TCTN1: variants seen among roughly 807,000 people sequenced by gnomAD.
The protein encoded by TCTN1 is tectonic family member 1.
Under a neutral mutation model 65.8 loss-of-function variants are expected in TCTN1, and 58 were observed. That is an observed-to-expected ratio of 0.88 (90% CI 0.71 to 1.10). TCTN1 has a LOEUF of 1.10. Ranked by LOEUF, TCTN1 falls within the 50% of genes least tolerant of loss-of-function variation. TCTN1 has a pLI of 0.00. For synonymous variants in TCTN1, 273 were observed against 289.1 expected, an observed-to-expected ratio of 0.94 and a Z score of 0.57; for missense variants, 645 against 719.4, an observed-to-expected ratio of 0.90 and a Z score of 1.18.
At chr12:110,621,176 C>A (rs1207158845) in intron 2 of TCTN1, among the ~76,000 whole-genome samples, 1 of 152,154 alleles carries the variant, frequency 6.6e-6, no homozygotes, top group African/African-American at 2.4e-5. Flanking sequence ...ACTTAGTATT[C>A]AGAGATAGCT....
At chr12:110,625,816 C>G (rs543933404) in intron 2 of TCTN1, 1 of 146,676 alleles carries the variant, frequency 6.8e-6, no homozygotes, top group African/African-American at 2.5e-5. Context: ...TGCAGTGGCG[C>G]GATCTCGGGT....
chr12:110,628,616 C>A, intron 3 of TCTN1, 151 bp from the exon 4 acceptor site: 1 of 735,964 alleles, frequency 1.4e-6, no homozygotes, highest in Non-Finnish European at 2.2e-6. Flanking sequence ...GTTGAGATTA[C>A]AGGCGTGAGC....
At chr12:110,625,267 G>A (rs1194786944) in intron 2 of TCTN1, among the ~76,000 whole-genome samples, 1 of 152,058 alleles carries the variant, frequency 6.6e-6, no homozygotes, top group African/African-American at 2.4e-5. Context: ...TTCTGTTAGA[G>A]GAAAAAGTTT....
Position 110,640,414 on chromosome 12 carries a change from A to C in TCTN1, c.875A>C (p.Gln292Pro), listed in dbSNP as rs2066878169. ...ATCACTGTTCAGTCCATCGTCATTC[A>C]GTCTCTAAATAAAACGCTCACCCGA... ...VPITVQSIVI[Q>P]SLNKTLTRRE... The change falls in exon 8 of 15, where the codon CAG becomes CCG. Residue 292 changes from glutamine (Q) to proline (P), a missense_variant. Physicochemically the swap from Gln to Pro is moderately conservative, Grantham distance 76. Transcript: ENST00000397659. This position sits in a 1 kb window ranked among gnomAD's most constrained non-coding sequence, Gnocchi z 4.9. 6.2e-7 allele frequency: 1 copy of C among 1,614,114 alleles called. No homozygotes were observed. Among genetic ancestry groups the C allele is most frequent in the Non-Finnish European group, 8.5e-7 (1 of 1,180,010 alleles).
chr12:110,641,015 T>G lies in TCTN1; in HGVS notation c.979-9T>G. On this transcript the variant is annotated splice_polypyrimidine_tract_variant and intron_variant, in intron 8 of 14. Coordinates refer to ENST00000397659, the MANE Select transcript of TCTN1 (RefSeq NM_001082538.3). ...AACAGGTATATTTGGAGTATCATTT[T>G]GTTTTTAGGTAAAGTACAGCCTCAC... is the stretch of plus-strand genomic sequence containing the variant. 1 of 1,614,226 alleles carries G rather than the reference T, an allele frequency of 6.2e-7. No individual in the cohort carries two copies. Among genetic ancestry groups the G allele is most frequent in the East Asian group, 2.2e-5 (1 of 44,884 alleles).
intron 3 of TCTN1, chr12:110,628,150 G>C: frequency 6.5e-7 from 1 of 1,536,040 alleles, no homozygotes; most frequent in Non-Finnish European, 8.7e-7. Flanking sequence ...CTTACAGGTT[G>C]ATACAGCAAA....
intron 13 of TCTN1, 106 bp downstream of exon 13, chr12:110,647,442 C>T: frequency 1.4e-6 from 2 of 1,431,610 alleles, no homozygotes; most frequent in Non-Finnish European, 1.9e-6. Context: ...ATAATTTAAA[C>T]CATGGGGGTT....
chr12:110,623,032 C>T (rs907592926), intron 2 of TCTN1, among the ~76,000 whole-genome samples: 4 of 152,120 alleles, frequency 2.6e-5, no homozygotes, highest in African/African-American at 9.7e-5. Context: ...TAAGGAATCC[C>T]ATTCTGTGGA....
At chr12:110,641,859 GT>G (rs996126064) in intron 10 of TCTN1, 25,956 of 386,248 alleles carry the variant, frequency 0.067, 3 homozygotes, top group Middle Eastern at 0.088. Context: ...AAATGTCAGT[GT>G]TTTTTTTTTT....
chr12:110,628,288 T>C, intron 3 of TCTN1: 1 of 1,502,200 alleles, frequency 6.7e-7, no homozygotes, highest in South Asian at 1.2e-5. Context: ...GGAGGTCCTG[T>C]TTGTTTAATA....
rs1300936974 is a variant in TCTN1, at chr12:110,628,632, C to G, written c.473-135C>G. ...TTGAGATTACAGGCGTGAGCCCATG[C>G]GCCCAGCCAAGACACTATTTGTTTT... is the stretch of plus-strand genomic sequence containing the variant. On this transcript the variant is annotated intron_variant, in intron 3 of 14. Coordinates refer to ENST00000397659, the MANE Select transcript of TCTN1 (RefSeq NM_001082538.3). 37 of 828,134 alleles carry G rather than the reference C, an allele frequency of 4.5e-5. No individual in the cohort carries two copies. In the East Asian group the frequency reaches 9.9e-4, roughly 22 times the overall value. 51.3% of individuals were successfully genotyped at this position (828,134 alleles called of 1,614,324 possible).
intron 3 of TCTN1, chr12:110,628,135 T>G: frequency 6.5e-7 from 1 of 1,536,072 alleles, no homozygotes; most frequent in Non-Finnish European, 8.7e-7. Flanking sequence ...CGGAGAGAGC[T>G]TCTCCTTACA....
At position 110,649,076 on chromosome 12, in the gene TCTN1, G is replaced by T. The variant is rs185774837; in HGVS notation, c.*35G>T. 1 of 573,630 alleles carries T rather than the reference G, an allele frequency of 1.7e-6. No homozygotes were observed. 35.5% of individuals were successfully genotyped at this position (573,630 alleles called of 1,614,324 possible). A position where few individuals can be genotyped will look rare whatever the true frequency, so the allele number is the denominator to read the frequency against. ...GATGCATCAGTTCCTTAATATACAC[G>T]TGAAATTTGAAAACTGTACATTCGG... On this transcript the variant is annotated 3_prime_UTR_variant, in exon 15 of 15. Transcript: ENST00000397659.
intron 2 of TCTN1, among the ~76,000 whole-genome samples, chr12:110,623,626 A>G (rs1417840114): frequency 1.3e-5 from 2 of 152,220 alleles, no homozygotes; most frequent in South Asian, 2.1e-4. Flanking sequence ...ATAATTGGGG[A>G]AAATTAGAAA....
In TCTN1 at chr12:110,645,022, T is replaced by C. The variant is rs114568905; in HGVS notation, c.1387T>C (p.Trp463Arg). The C allele has an allele frequency of 3.4e-4, 555 of 1,614,230 alleles. 1 individual carries two copies. The African/African-American group carries it at 6.7e-3, about 20-fold the overall frequency. ...LVAQKVKSLL[W>R]GQGFPDYVAP... ...AGCACAGAAGGTGAAGAGCCTGCTG[T>C]GGGGCCAGGGCTTCCCAGATTACGT... The change falls in exon 12 of 15, where the codon TGG (tryptophan) becomes CGG (arginine). Residue 463 changes from tryptophan (W) to arginine (R), a missense_variant. Transcript: ENST00000397659.
rs1332106976 is a variant in TCTN1, at chr12:110,644,592, C to T, written c.1332-375C>T. 1 of 303,350 alleles carries T rather than the reference C, an allele frequency of 3.3e-6. No homozygotes were observed. The highest frequency in any genetic ancestry group is 6.4e-6 in the Non-Finnish European group (1 of 156,896). The allele number at this position is 303,350 out of a possible 1,614,324, so 18.8% of individuals were successfully genotyped here. ...ACTCAGGAGGCTGAGGCAGGAGAAT[C>T]ACTTGAACCTGGGAGGCGGTGGTTG... On this transcript the variant is annotated intron_variant, in intron 11 of 14. Coordinates refer to ENST00000397659, the MANE Select transcript of TCTN1 (RefSeq NM_001082538.3). This position sits in a 1 kb window ranked among gnomAD's most constrained non-coding sequence, Gnocchi z 4.6.
intron 1 of TCTN1, among the ~76,000 whole-genome samples, chr12:110,619,446 T>C (rs1166014491): frequency 6.6e-6 from 1 of 152,200 alleles, no homozygotes; most frequent in Non-Finnish European, 1.5e-5. Context: ...TTAAGGACTT[T>C]GGAGTTTTAA....
At chr12:110,641,255 G>GTTCACTACAAAGGC in intron 9 of TCTN1, 106 bp downstream of exon 9, 1 of 1,466,648 alleles carries the variant, frequency 6.8e-7, no homozygotes, top group Non-Finnish European at 9.4e-7. Context: ...CCAAGCCTTT[G>GTTCACTACAAAGGC]TAGTGAACAG....
chr12:110,627,035 G>T (rs1459583067), intron 3 of TCTN1, among the ~76,000 whole-genome samples: 1 of 150,148 alleles, frequency 6.7e-6, no homozygotes, highest in Non-Finnish European at 1.5e-5. Context: ...GCCTCCCAAC[G>T]TGCTGGGATT....
Sources: allele counts gnomAD v4.1 joint callset (sites outside exome capture counted in the v4.1 genomes callset), GRCh38; gene constraint gnomAD v4.1.1; non-coding constraint Gnocchi (gnomAD v3.1); transcripts MANE v1.5; gene names NCBI Gene and HGNC (gene_info 2026-07-23, HGNC 2026-07-21).